Variants in MECOM observed in about 807,000 individuals in gnomAD.
MECOM encodes the protein MDS1 and EVI1 complex locus.
Under a neutral mutation model 116.3 loss-of-function variants are expected in MECOM, and 13 were observed. That is an observed-to-expected ratio of 0.11 (90% CI 0.07 to 0.18). The LOEUF (loss-of-function observed/expected upper bound fraction) is 0.18, where lower values mean the gene tolerates loss of function less well. Ranked by LOEUF, MECOM falls within the 10% of genes least tolerant of loss-of-function variation. MECOM has a pLI of 1.00. For missense variants in MECOM, 1,299 were observed against 1,509.0 expected, an observed-to-expected ratio of 0.86 and a Z score of 2.31; for synonymous variants, 528 against 535.2, an observed-to-expected ratio of 0.99 and a Z score of 0.19.
intron 1 of MECOM, among the ~76,000 whole-genome samples, chr3:169,510,601 C>T (rs1755849693): frequency 6.6e-6 from 1 of 152,174 alleles, no homozygotes; most frequent in African/African-American, 2.4e-5. Flanking sequence ...TGTTTACAAA[C>T]ATTAGGCCTG....
intron 2 of MECOM, among the ~76,000 whole-genome samples, chr3:169,304,881 T>C (rs1400624241): frequency 2.0e-5 from 3 of 152,252 alleles, no homozygotes; most frequent in African/African-American, 7.2e-5. Flanking sequence ...ATTTCTCTCC[T>C]GAAGCTTGTG....
intron 2 of MECOM, chr3:169,146,473 C>T: frequency 2.9e-6 from 4 of 1,383,844 alleles, no homozygotes; most frequent in Non-Finnish European, 3.8e-6. Context: ...GCAGAGAAAC[C>T]CACCGAAGGC....
At chr3:169,418,315 G>C (rs554453639) in intron 1 of MECOM, among the ~76,000 whole-genome samples, 1 of 152,142 alleles carries the variant, frequency 6.6e-6, no homozygotes, top group African/African-American at 2.4e-5. Context: ...AATTCTACCA[G>C]AGGTACAAAA....
At chr3:169,123,464 C>G (rs1731772021) in intron 5 of MECOM, among the ~76,000 whole-genome samples, 1 of 151,936 alleles carries the variant, frequency 6.6e-6, no homozygotes. Context: ...CATAGTTTCT[C>G]TGTTTTAAAG....
intron 1 of MECOM, among the ~76,000 whole-genome samples, chr3:169,636,116 A>C (rs1448604970): frequency 1.3e-5 from 2 of 152,230 alleles, no homozygotes; most frequent in East Asian, 3.8e-4. Context: ...AATGTGAAAT[A>C]ATGTAGGATG....
chr3:169,250,094 G>T (rs983049023), intron 2 of MECOM, among the ~76,000 whole-genome samples: 1 of 152,132 alleles, frequency 6.6e-6, no homozygotes, highest in African/African-American at 2.4e-5. Context: ...GGGGGCTGGC[G>T]ACCTGAAGCC....
chr3:169,316,060 T>A (rs980098156), intron 2 of MECOM, among the ~76,000 whole-genome samples: 15 of 152,210 alleles, frequency 9.9e-5, no homozygotes, highest in African/African-American at 3.4e-4. Context: ...TAAAAAACAA[T>A]AGATTTAAAT....
intron 1 of MECOM, among the ~76,000 whole-genome samples, chr3:169,481,155 G>A (rs1212709642): frequency 1.3e-5 from 2 of 152,138 alleles, no homozygotes; most frequent in Non-Finnish European, 2.9e-5. Context: ...AAGTTTTTAA[G>A]CTGAACACAA....
chr3:169,446,968 AT>A (rs1744742577), intron 1 of MECOM, among the ~76,000 whole-genome samples: 1 of 152,078 alleles, frequency 6.6e-6, no homozygotes, highest in Non-Finnish European at 1.5e-5. Context: ...ATTTTCAGTT[AT>A]TTTTTTCAGT....
intron 1 of MECOM, among the ~76,000 whole-genome samples, chr3:169,659,615 T>G (rs1776015147): frequency 6.6e-6 from 1 of 152,010 alleles, no homozygotes; most frequent in South Asian, 2.1e-4. Flanking sequence ...GGGAGAAGGA[T>G]TTTCCTCCTC....
At chr3:169,148,147 A>T (rs1740470407) in intron 2 of MECOM, among the ~76,000 whole-genome samples, 1 of 152,158 alleles carries the variant, frequency 6.6e-6, no homozygotes, top group Non-Finnish European at 1.5e-5. Flanking sequence ...AATCTGAAAA[A>T]TTATTGGCAT....
rs777187176 is a variant in MECOM, at chr3:169,090,243, A to G, written c.3165-7T>C. ...AAAATGACTGCCATTCATTCTTTCA[A>G]AAGCATTAAAAAAAAAGTCCAATTG... On this transcript the variant is annotated splice_region_variant and splice_polypyrimidine_tract_variant and intron_variant, in intron 14 of 16. Transcript: ENST00000651503. The G allele has an allele frequency of 1.3e-6, 2 of 1,583,304 alleles. No homozygotes were observed. The highest frequency in any genetic ancestry group is 1.7e-6 in the Non-Finnish European group (2 of 1,170,650).
At chr3:169,541,351 C>T (rs1199550420) in intron 1 of MECOM, among the ~76,000 whole-genome samples, 1 of 152,212 alleles carries the variant, frequency 6.6e-6, no homozygotes, top group African/African-American at 2.4e-5. Flanking sequence ...ATCAAATATG[C>T]ATGACATCTT....
At chr3:169,314,857 T>C (rs749944358) in intron 2 of MECOM, among the ~76,000 whole-genome samples, 5 of 152,228 alleles carry the variant, frequency 3.3e-5, no homozygotes, top group Non-Finnish European at 5.9e-5. Flanking sequence ...ATGAGGAAGC[T>C]GGAGGATTCT....
rs573486478 is a variant in MECOM, at chr3:169,642,675, A to G, written c.37+20661T>C. ...CCAAATTATCTCGGAGATTGAGCTT[A>G]TCAATTCACACAGCTTCAGGTATTT... is the stretch of plus-strand genomic sequence containing the variant. On this transcript the variant is annotated intron_variant, in intron 1 of 16. Transcript: ENST00000651503. Among the ~76,000 whole-genome samples, 51 of 152,120 alleles carry G rather than the reference A, an allele frequency of 3.4e-4. No homozygotes were observed. In the South Asian group the frequency reaches 9.8e-3, roughly 29 times the overall value.
At chr3:169,349,659 C>T (rs565773527) in intron 2 of MECOM, among the ~76,000 whole-genome samples, 23 of 152,026 alleles carry the variant, frequency 1.5e-4, no homozygotes, top group Middle Eastern at 3.4e-3. Flanking sequence ...GTATATTTCC[C>T]GTCTATGCTT....
At chr3:169,433,756 T>C (rs1742166573) in intron 1 of MECOM, among the ~76,000 whole-genome samples, 1 of 152,168 alleles carries the variant, frequency 6.6e-6, no homozygotes, top group African/African-American at 2.4e-5. Flanking sequence ...TTTTAACCTT[T>C]GTGAAAAATC....
intron 1 of MECOM, among the ~76,000 whole-genome samples, chr3:169,554,891 G>A (rs533408991): frequency 5.9e-5 from 9 of 152,172 alleles, no homozygotes; most frequent in Non-Finnish European, 1.2e-4. Context: ...GAGAGCAATG[G>A]GGAATCCAAA....
chr3:169,337,003 AAGAC>A (rs1199902278), intron 2 of MECOM, among the ~76,000 whole-genome samples: 1 of 152,144 alleles, frequency 6.6e-6, no homozygotes, highest in Non-Finnish European at 1.5e-5. Context: ...ATTTTTTAAA[AAGAC>A]AAAGTAGTTA....
Sources: gnomAD v4.1 joint callset for allele counts (sites outside exome capture counted in the v4.1 genomes callset) on GRCh38, gnomAD v4.1.1 for gene constraint, MANE v1.5 for transcripts, NCBI Gene and HGNC (gene_info 2026-07-23, HGNC 2026-07-21) for gene names.